Variants in ESF1 observed in about 807,000 individuals in gnomAD.
ESF1 encodes ESF1 homolog.
A neutral mutation model predicts 92.0 loss-of-function variants in ESF1; 58 were observed. The ratio of observed to expected loss-of-function variants is 0.63; its 90% CI spans 0.51 to 0.78. ESF1 has a LOEUF of 0.78. Ranked by LOEUF, ESF1 falls within the 30% of genes least tolerant of loss-of-function variation. The probability of loss-of-function intolerance (pLI) is 0.00; values close to 1 mark genes in which losing one functional copy is unlikely to be tolerated. For missense variants in ESF1, 922 were observed against 989.1 expected (o/e 0.93, Z 0.91); for synonymous variants, 321 against 313.7 (o/e 1.02, Z -0.24).
chr20:13,784,880 C>T lies in ESF1; in HGVS notation c.-44G>A. 1 of 609,152 alleles carries T rather than the reference C, an allele frequency of 1.6e-6. No homozygotes were observed. Among genetic ancestry groups the T allele is most frequent in the East Asian group, 2.8e-5 (1 of 36,270 alleles). The allele number at this position is 609,152 out of a possible 1,614,324, so 37.7% of individuals were successfully genotyped here. ...TCAACTCCAGTCCATCCCCACTCAC[C>T]GTCCGCAGTCCTACCAAGCCTCACG... On this transcript the variant is annotated splice_region_variant and 5_prime_UTR_variant, in exon 1 of 14. Transcript: ENST00000617257.
At chr20:13,760,240 T>G (rs1443298165) in intron 8 of ESF1, among the ~76,000 whole-genome samples, 1 of 148,356 alleles carries the variant, frequency 6.7e-6, no homozygotes, top group Non-Finnish European at 1.5e-5. Flanking sequence ...GAGGAGCCCC[T>G]CTGCCTGGCT....
intron 13 of ESF1, among the ~76,000 whole-genome samples, chr20:13,716,804 A>ATTTTTTTTTTTTTTTTTTTTTTTT (rs71188180): frequency 6.5e-5 from 3 of 45,916 alleles, no homozygotes; most frequent in African/African-American, 1.5e-4. Context: ...CTATACCTGG[A>ATTTTTTTTTTTTTTTTTTTTTTTT]TTTTTTTTTT....
In ESF1 at chr20:13,748,592, A is replaced by ATATATTTTTTTTTT. The variant is rs1331098586; in HGVS notation, c.1828+11099_1828+11100insAAAAAAAAAATATA. Among the ~76,000 whole-genome samples, 19 of 95,718 alleles carry ATATATTTTTTTTTT rather than the reference A, an allele frequency of 2.0e-4. 1 individual carries two copies. Among genetic ancestry groups the ATATATTTTTTTTTT allele is most frequent in the African/African-American group, 1.2e-3 (19 of 15,542 alleles). 62.8% of individuals were successfully genotyped at this position (95,718 alleles called of 152,430 possible). On this transcript the variant is annotated intron_variant, in intron 9 of 13. Transcript: ENST00000617257. ...TGTGTGTGTATATATATATATATAT[A>ATATATTTTTTTTTT]TTTTTTTTTTTTTGAGATGGAGTGT...
At chr20:13,722,554 G>A (rs1025593107) in intron 11 of ESF1, among the ~76,000 whole-genome samples, 3 of 152,088 alleles carry the variant, frequency 2.0e-5, no homozygotes, top group African/African-American at 7.2e-5. Flanking sequence ...TGTCAAGTAA[G>A]GAACCACATC....
chr20:13,773,393 C>CT (rs1450605129), intron 4 of ESF1, among the ~76,000 whole-genome samples: 5 of 151,956 alleles, frequency 3.3e-5, no homozygotes, highest in African/African-American at 4.8e-5. Context: ...TCTTTTGATT[C>CT]TTTTTTTTCC....
At chr20:13,747,605 AAG>A (rs58670811) in intron 9 of ESF1, among the ~76,000 whole-genome samples, 63 of 151,612 alleles carry the variant, frequency 4.2e-4, no homozygotes, top group African/African-American at 1.5e-3. Context: ...AAAAAAAAAA[AAG>A]AGAGAGAAAA....
Position 13,782,613 on chromosome 20 carries a change from A to T in ESF1, c.528T>A (p.Thr176=), listed in dbSNP as rs369153218. The change falls in exon 2 of 14, where the codon ACT becomes ACA. Residue 176 remains threonine, a synonymous_variant. Coordinates refer to ENST00000617257, the MANE Select transcript of ESF1 (RefSeq NM_001276380.2). ...KKEKKNIVQH[T]TDSSLEEKQR... is the part of the protein sequence containing the mutation. ...GTTTTTCTTCGAGAGAAGAGTCTGT[A>T]GTATGTTGAACAATGTTTTTTTTCT... The T allele has an allele frequency of 6.2e-6, 10 of 1,606,756 alleles. No homozygotes were observed. Among genetic ancestry groups the T allele is most frequent in the Middle Eastern group, 1.7e-4 (1 of 5,950 alleles).
chr20:13,720,483 G>A lies in ESF1; in HGVS notation c.2039-1499C>T, dbSNP rs1183250980. On this transcript the variant is annotated intron_variant, in intron 11 of 13. Transcript: ENST00000617257. ...CAACATGAATCTAATGGAACCACTCGTCTAACTTCCAGTTTATGGAAAATA... is the reference window on the plus strand; with the variant it reads ...CAACATGAATCTAATGGAACCACTCATCTAACTTCCAGTTTATGGAAAATA... Among the ~76,000 whole-genome samples the A allele has an allele frequency of 3.3e-5, 5 of 152,154 alleles. No homozygotes were observed. The East Asian group carries it at 5.8e-4, about 18-fold the overall frequency.
At chr20:13,766,748 A>C (rs1489575054) in intron 8 of ESF1, 29 bp downstream of exon 8, 1 of 1,609,362 alleles carries the variant, frequency 6.2e-7, no homozygotes, top group African/African-American at 1.3e-5. Flanking sequence ...ACCTATGTCC[A>C]TTAATGGTCA....
intron 8 of ESF1, among the ~76,000 whole-genome samples, chr20:13,761,388 T>A (rs1409094998): frequency 1.7e-4 from 23 of 132,408 alleles, no homozygotes; most frequent in South Asian, 2.4e-4. Context: ...TAAAAAAAAA[T>A]AAATAAAATA....
At chr20:13,738,010 G>A (rs1380222394) in intron 9 of ESF1, among the ~76,000 whole-genome samples, 1 of 152,166 alleles carries the variant, frequency 6.6e-6, no homozygotes, top group Non-Finnish European at 1.5e-5. Flanking sequence ...CTGAGGAACA[G>A]TGTCATCAAA....
At chr20:13,758,101 GTTC>G (rs2147759542) in intron 9 of ESF1, among the ~76,000 whole-genome samples, 1 of 152,232 alleles carries the variant, frequency 6.6e-6, no homozygotes, top group East Asian at 1.9e-4. Context: ...GCAGCCTTCA[GTTC>G]TTCTGCGAGA....
intron 4 of ESF1, among the ~76,000 whole-genome samples, chr20:13,774,262 C>T (rs1600294100): frequency 1.0e-5 from 1 of 99,506 alleles, no homozygotes; most frequent in South Asian, 4.8e-4. Flanking sequence ...ACAGGTTGAG[C>T]ATCCCAAATC....
Position 13,776,137 on chromosome 20 carries a change from A to G in ESF1, c.771T>C (p.Asn257=), listed in dbSNP as rs1341011585. The G allele has an allele frequency of 6.2e-7, 1 of 1,613,522 alleles. No individual in the cohort carries two copies. The change falls in exon 3 of 14, where the codon AAT becomes AAC. Residue 257 remains asparagine (N), a synonymous_variant. Transcript: ENST00000617257. ...AAGCTCTACCAACACTTGTAATTTC[A>G]TTTTCAGATTCCTCATCACTTCCTA... ...SEIGSDEESE[N]EITSVGRASG...
intron 9 of ESF1, among the ~76,000 whole-genome samples, chr20:13,741,393 G>A (rs2050012562): frequency 6.6e-6 from 1 of 152,136 alleles, no homozygotes; most frequent in South Asian, 2.1e-4. Context: ...TGGGCTAGAT[G>A]TGGTGGTCGT....
In ESF1 at chr20:13,783,201, T is replaced by C; in HGVS notation, c.-43-18A>G. On this transcript the variant is annotated intron_variant, in intron 1 of 13. Coordinates refer to ENST00000617257, the MANE Select transcript of ESF1 (RefSeq NM_001276380.2). The stretch of plus-strand genomic sequence containing the variant: ...AACAAATACTGAAAAATAAAACAAA[T>C]GTTTTAATGGTAATAATGGTTAGTA... The C allele has an allele frequency of 4.7e-6, 7 of 1,493,770 alleles. No homozygotes were observed. Among genetic ancestry groups the C allele is most frequent in the Non-Finnish European group, 6.3e-6 (7 of 1,108,466 alleles). The allele number at this position is 1,493,770 out of a possible 1,614,324, so 92.5% of individuals were successfully genotyped here. A position where few individuals can be genotyped will look rare whatever the true frequency, so the allele number is the denominator to read the frequency against.
intron 10 of ESF1, among the ~76,000 whole-genome samples, chr20:13,729,357 C>T (rs1259666034): frequency 6.6e-6 from 1 of 152,120 alleles, no homozygotes; most frequent in East Asian, 1.9e-4. Context: ...ATGGTTTCTG[C>T]CCTCAAAAAT....
At position 13,714,991 on chromosome 20, in the gene ESF1, A is replaced by T. The variant is rs1568704982; in HGVS notation, c.2439T>A (p.Ser813Arg). The change falls in exon 14 of 14, where the codon AGT (serine) becomes AGA (arginine). Residue 813 changes from serine (S) to arginine (R), a missense_variant. Physicochemically the swap from Ser to Arg is moderately radical, Grantham distance 110. Coordinates refer to ENST00000617257, the MANE Select transcript of ESF1 (RefSeq NM_001276380.2). Reference sequence around the variant, plus strand: ...TCCTTTGTGATTCCTTTTCAATCTCACTCTCTTTTTTCTTTATTGCCTGAG... The same window carrying T: ...TCCTTTGTGATTCCTTTTCAATCTCTCTCTCTTTTTTCTTTATTGCCTGAG... ...ELTQAIKKKESEIEKESQRKS... is the reference protein window; with the variant it reads ...ELTQAIKKKEREIEKESQRKS... 2 of 1,613,542 alleles carry T rather than the reference A, an allele frequency of 1.2e-6. No individual in the cohort carries two copies. The highest frequency in any genetic ancestry group is 1.7e-6 in the Non-Finnish European group (2 of 1,179,846).
At chr20:13,742,666 G>A (rs927558173) in intron 9 of ESF1, among the ~76,000 whole-genome samples, 1 of 151,878 alleles carries the variant, frequency 6.6e-6, no homozygotes, top group Non-Finnish European at 1.5e-5. Context: ...CTATAGTATA[G>A]AAGTTAAATG....
Sources: allele counts gnomAD v4.1 joint callset (sites outside exome capture counted in the v4.1 genomes callset), GRCh38; gene constraint gnomAD v4.1.1; transcripts MANE v1.5; gene names NCBI Gene and HGNC (gene_info 2026-07-23, HGNC 2026-07-21).